The following MGMT variants were observed in gnomAD, a reference collection of about 807,000 sequenced individuals.
MGMT encodes methylated-DNA--protein-cysteine methyltransferase.
MGMT carries 14 observed loss-of-function variants against 15.9 expected under a neutral mutation model. That is an observed-to-expected ratio of 0.88 (90% CI 0.58 to 1.37). The LOEUF (loss-of-function observed/expected upper bound fraction) is 1.37. Ranked by LOEUF, MGMT falls within the 40% of genes most tolerant of loss-of-function variation. The pLI is 0.00. For missense variants in MGMT, 282 were observed against 268.1 expected, an observed-to-expected ratio of 1.05 and a Z score of -0.36; for synonymous variants, 130 against 118.2, an observed-to-expected ratio of 1.10 and a Z score of -0.65.
intron 3 of MGMT, among the ~76,000 whole-genome samples, chr10:129,740,185 A>C (rs750833266): frequency 1.3e-5 from 2 of 152,240 alleles, no homozygotes; most frequent in African/African-American, 2.4e-5. Flanking sequence ...TGAGGCTAAC[A>C]TGCATCAGGT....
intron 2 of MGMT, among the ~76,000 whole-genome samples, chr10:129,662,909 G>A (rs942966294): frequency 6.6e-6 from 1 of 152,150 alleles, no homozygotes; most frequent in Non-Finnish European, 1.5e-5. Context: ...CCTGTATAAA[G>A]CAGAACCTAC....
At chr10:129,616,545 G>A (rs1426054129) in intron 2 of MGMT, among the ~76,000 whole-genome samples, 1 of 152,150 alleles carries the variant, frequency 6.6e-6, no homozygotes, top group East Asian at 1.9e-4. Context: ...TGGCCGGCCA[G>A]GCCCCTGGAT....
intron 3 of MGMT, among the ~76,000 whole-genome samples, chr10:129,738,258 G>A (rs1427906347): frequency 2.0e-5 from 3 of 152,218 alleles, no homozygotes; most frequent in African/African-American, 7.2e-5. Context: ...ATCTCCTGGT[G>A]CGCCGTTTTT....
intron 4 of MGMT, among the ~76,000 whole-genome samples, chr10:129,765,072 AT>A (rs1313597990): frequency 6.6e-6 from 1 of 151,774 alleles, no homozygotes; most frequent in Non-Finnish European, 1.5e-5. Context: ...GGTCATGCTC[AT>A]TGGCAGTTTA....
chr10:129,737,306 A>G (rs1436021964), intron 3 of MGMT, among the ~76,000 whole-genome samples: 1 of 151,964 alleles, frequency 6.6e-6, no homozygotes, highest in Non-Finnish European at 1.5e-5. Context: ...CATTCATTTC[A>G]TCTTCCATCG....
intron 1 of MGMT, among the ~76,000 whole-genome samples, chr10:129,492,209 C>T (rs1845475835): frequency 1.3e-5 from 2 of 152,114 alleles, no homozygotes; most frequent in African/African-American, 2.4e-5. Flanking sequence ...GTTGGACCTT[C>T]CCTTTGAGCA....
intron 1 of MGMT, among the ~76,000 whole-genome samples, chr10:129,531,655 CAGA>C (rs1266067328): frequency 6.6e-6 from 1 of 152,074 alleles, no homozygotes; most frequent in African/African-American, 2.4e-5. Context: ...CTGCTGCCCA[CAGA>C]AGAACTGTGC....
intron 2 of MGMT, among the ~76,000 whole-genome samples, chr10:129,611,787 C>T (rs748522869): frequency 3.2e-4 from 48 of 152,102 alleles, no homozygotes; most frequent in Admixed American, 5.2e-4. Flanking sequence ...TCGAGAGCAG[C>T]GGTGAAGTAT....
chr10:129,756,551 C>G (rs1277870881), intron 3 of MGMT, among the ~76,000 whole-genome samples: 4 of 152,186 alleles, frequency 2.6e-5, no homozygotes, highest in Admixed American at 6.5e-5. Flanking sequence ...ATCACTGCAA[C>G]CTCTGCCTCC....
intron 1 of MGMT, among the ~76,000 whole-genome samples, chr10:129,520,455 G>T (rs1845790605): frequency 6.6e-6 from 1 of 151,284 alleles, no homozygotes; most frequent in Admixed American, 6.6e-5. Context: ...CGAGTACAGA[G>T]CCCCTGTGGT....
chr10:129,561,723 G>A (rs1244529650), intron 2 of MGMT, among the ~76,000 whole-genome samples: 1 of 152,102 alleles, frequency 6.6e-6, no homozygotes, highest in Non-Finnish European at 1.5e-5. Context: ...TGTCTGCAGT[G>A]TTACCATTCT....
chr10:129,642,071 T>C (rs1847333419), intron 2 of MGMT, among the ~76,000 whole-genome samples: 2 of 152,158 alleles, frequency 1.3e-5, no homozygotes, highest in Admixed American at 6.5e-5. Context: ...CAGAGAACCC[T>C]TGTTGGACAG....
chr10:129,535,258 A>T (rs1845972658), intron 1 of MGMT, among the ~76,000 whole-genome samples: 1 of 152,074 alleles, frequency 6.6e-6, no homozygotes, highest in Admixed American at 6.6e-5. Context: ...CAATGGGAGG[A>T]CAGAGGTAAA....
chr10:129,704,193 A>C (rs1444936607), intron 2 of MGMT, among the ~76,000 whole-genome samples: 1 of 152,094 alleles, frequency 6.6e-6, no homozygotes, highest in Non-Finnish European at 1.5e-5. Flanking sequence ...TATTTAAGCC[A>C]AGCAGAAGTT....
intron 2 of MGMT, among the ~76,000 whole-genome samples, chr10:129,649,879 G>A (rs7905095): frequency 0.49 from 74,812 of 152,014 alleles, 20,018 homozygotes; most frequent in African/African-American, 0.69. Flanking sequence ...TGCCGACACT[G>A]TTGAAGCAAT....
At chr10:129,630,514 C>T (rs938859763) in intron 2 of MGMT, among the ~76,000 whole-genome samples, 3 of 152,178 alleles carry the variant, frequency 2.0e-5, no homozygotes, top group African/African-American at 4.8e-5. Flanking sequence ...TATTTTCTTT[C>T]TCATAATGCT....
chr10:129,712,805 G>C (rs1848247370), intron 3 of MGMT, among the ~76,000 whole-genome samples: 1 of 152,136 alleles, frequency 6.6e-6, no homozygotes, highest in Non-Finnish European at 1.5e-5. Flanking sequence ...CCAAGCAAAG[G>C]CTCATCCAGC....
chr10:129,632,652 T>C (rs522891), intron 2 of MGMT, among the ~76,000 whole-genome samples: 90,107 of 152,018 alleles, frequency 0.59, 27,876 homozygotes, highest in African/African-American at 0.78. Flanking sequence ...CCGGGGGATG[T>C]CGGCCCGATT....
chr10:129,693,549 G>A lies in MGMT; in HGVS notation c.126-14346G>A, dbSNP rs897909452. Among the ~76,000 whole-genome samples, 6 of 152,276 alleles carry A rather than the reference G, an allele frequency of 3.9e-5. No homozygotes were observed. The East Asian group carries it at 1.2e-3, about 29-fold the overall frequency. Reference sequence around the variant, plus strand: ...AGTAGGTGGAGGCTTCTCTTGGTCAGTGTGTCTGCTCAGGGGGAGGCCTGG... The same window carrying A: ...AGTAGGTGGAGGCTTCTCTTGGTCAATGTGTCTGCTCAGGGGGAGGCCTGG... On this transcript the variant is annotated intron_variant, in intron 2 of 4. Transcript: ENST00000651593.
Sources: gnomAD v4.1 joint callset for allele counts (sites outside exome capture counted in the v4.1 genomes callset) on GRCh38, gnomAD v4.1.1 for gene constraint, MANE v1.5 for transcripts, NCBI Gene and HGNC (gene_info 2026-07-23, HGNC 2026-07-21) for gene names.